Variants in RFX1 observed in about 807,000 individuals in gnomAD.
RFX1 encodes the protein MHC class II regulatory factor RFX1.
Under a neutral mutation model 119.6 loss-of-function variants are expected in RFX1, and 42 were observed. That is an observed-to-expected ratio of 0.35 (90% CI 0.27 to 0.45). The LOEUF (loss-of-function observed/expected upper bound fraction) is 0.45. Among genes scored for constraint, RFX1 ranks in the 20% least tolerant of loss-of-function variants. RFX1 has a pLI of 1.00. For synonymous variants in RFX1, 628 were observed against 618.5 expected (o/e 1.02, Z -0.23); for missense variants, 1,118 against 1,368.1 (o/e 0.82, Z 2.88).
intron 12 of RFX1, among the ~76,000 whole-genome samples, chr19:13,967,193 C>T (rs1413098214): frequency 1.3e-5 from 2 of 152,188 alleles, no homozygotes; most frequent in African/African-American, 4.8e-5. Flanking sequence ...CCCCACCCTC[C>T]AAATGGGATG....
At chr19:13,998,815 A>G (rs908390085) in intron 1 of RFX1, among the ~76,000 whole-genome samples, 1 of 152,134 alleles carries the variant, frequency 6.6e-6, no homozygotes, top group African/African-American at 2.4e-5. Context: ...TCTCAGCCCT[A>G]AGAGACCTGG....
chr19:13,997,813 G>T (rs1026992781), intron 1 of RFX1, among the ~76,000 whole-genome samples: 3 of 152,178 alleles, frequency 2.0e-5, no homozygotes, highest in African/African-American at 7.2e-5. Flanking sequence ...CACCTAGCAG[G>T]TGGCCAGCCT....
At chr19:13,988,990 C>T (rs1599506403) in intron 2 of RFX1, among the ~76,000 whole-genome samples, 1 of 152,262 alleles carries the variant, frequency 6.6e-6, no homozygotes, top group African/African-American at 2.4e-5. Flanking sequence ...CCACTGCATC[C>T]GGCCTGGGTG....
intron 1 of RFX1, among the ~76,000 whole-genome samples, chr19:13,995,066 C>T (rs752583033): frequency 5.3e-5 from 8 of 151,018 alleles, no homozygotes; most frequent in East Asian, 2.0e-4. Flanking sequence ...CCACCACGCC[C>T]GGCCTATTTC....
intron 1 of RFX1, among the ~76,000 whole-genome samples, chr19:14,005,890 C>G (rs957356968): frequency 6.6e-6 from 1 of 151,864 alleles, no homozygotes; most frequent in Non-Finnish European, 1.5e-5. Context: ...GGCCTGCGAG[C>G]GCCCGCCCCT....
rs982159864 is a variant in RFX1, at chr19:13,966,407, C to G, written c.1961+14G>C. The stretch of plus-strand genomic sequence containing the variant: ...TCCCCCCTCTCCCTCCCACAGTCGC[C>G]GGGCAGTACTCACACAGCCAGCGGT... On this transcript the variant is annotated intron_variant, in intron 14 of 20. Coordinates refer to ENST00000254325, the MANE Select transcript of RFX1 (RefSeq NM_002918.5). The surrounding 1 kb of genome is among the most constrained non-coding windows in gnomAD (Gnocchi z 6.3). 1 of 1,565,786 alleles carries G rather than the reference C, an allele frequency of 6.4e-7. No individual in the cohort carries two copies. Among genetic ancestry groups the G allele is most frequent in the Non-Finnish European group, 8.8e-7 (1 of 1,137,372 alleles).
At position 13,966,515 on chromosome 19, in the gene RFX1, T is replaced by C. The variant is rs143203128; in HGVS notation, c.1867A>G (p.Met623Val). ...ACCAGGGTGAACTGCAGGTTCACCATGACGTCGACAATGGCCTGTGGCAGA... is the reference window on the plus strand; with the variant it reads ...ACCAGGGTGAACTGCAGGTTCACCACGACGTCGACAATGGCCTGTGGCAGA... Reference protein sequence around the residue: ...REHCEAIVDVMVNLQFTLVET... With the variant: ...REHCEAIVDVVVNLQFTLVET... Residue 623 changes from methionine (M) to valine (V), a missense_variant, in exon 14 of 21, where the codon ATG becomes GTG. Met to Val is a conservative substitution (Grantham distance 21). Around this residue, in one of 5 missense-constraint regions of RFX1, gnomAD observed 338 missense variants for 508.9 expected, o/e 0.66. Coordinates refer to ENST00000254325, the MANE Select transcript of RFX1 (RefSeq NM_002918.5). The surrounding 1 kb of genome is among the most constrained non-coding windows in gnomAD (Gnocchi z 6.3). 1,012 of 1,576,204 alleles carry C rather than the reference T, an allele frequency of 6.4e-4. 8 individuals are homozygous for C. The highest frequency in any genetic ancestry group is 1.2e-3 in the Middle Eastern group (7 of 5,904).
intron 8 of RFX1, among the ~76,000 whole-genome samples, chr19:13,973,716 C>T (rs1412239696): frequency 2.6e-5 from 4 of 152,156 alleles, no homozygotes; most frequent in African/African-American, 7.2e-5. Flanking sequence ...CTGCAACCTC[C>T]GCCTCCTGGG....
chr19:13,983,596 C>A lies in RFX1; in HGVS notation c.320-1G>T. On this transcript the variant is annotated splice_acceptor_variant, in intron 2 of 20. Transcript: ENST00000254325. LOFTEE classifies it high-confidence loss of function. ...GTCTCGCTGGCCCGCATGGCACCTT[C>A]TGTGGGGAGGGGCCACCAGGTCAGT... 6.3e-7 allele frequency: 1 copy of A among 1,597,012 alleles called. No individual in the cohort carries two copies. Among genetic ancestry groups the A allele is most frequent in the Non-Finnish European group, 8.5e-7 (1 of 1,174,120 alleles).
chr19:13,994,719 ATGTGTGTGTGTGTGTGTGTGTG>A (rs35165719), intron 1 of RFX1, among the ~76,000 whole-genome samples: 2 of 125,956 alleles, frequency 1.6e-5, no homozygotes, highest in Non-Finnish European at 3.3e-5. Context: ...CTAAATATAT[ATGTGTGTGTGTGTGTGTGTGTG>A]TGTGTGTGTG....
Position 13,962,721 on chromosome 19 carries a change from A to C in RFX1, c.2914T>G (p.Phe972Val). Residue 972 changes from phenylalanine to valine, a missense_variant, in exon 21 of 21, where the codon TTC (phenylalanine) becomes GTC (valine). Around this residue, in one of 5 missense-constraint regions of RFX1, gnomAD observed 138 missense variants for 117.8 expected, o/e 1.17. Coordinates refer to ENST00000254325, the MANE Select transcript of RFX1 (RefSeq NM_002918.5). ...TAGCTGGAGGGCAGCGCCTGCACGA[A>C]GAGGCCGCGCGCGTCAGTCCGCGCC... is the stretch of plus-strand genomic sequence containing the variant. The part of the protein sequence containing the change: ...KLARTDARGL[F>V]VQALPSS The C allele has an allele frequency of 6.5e-7, 1 of 1,529,764 alleles. No homozygotes were observed. Among genetic ancestry groups the C allele is most frequent in the Non-Finnish European group, 8.7e-7 (1 of 1,144,028 alleles). 94.8% of individuals were successfully genotyped at this position (1,529,764 alleles called of 1,614,324 possible).
intron 1 of RFX1, among the ~76,000 whole-genome samples, chr19:14,003,024 C>T (rs1975265661): frequency 2.6e-5 from 4 of 152,186 alleles, no homozygotes; most frequent in Admixed American, 2.6e-4. Flanking sequence ...GCTCTGTCAC[C>T]CAGGCTCAAG....
intron 1 of RFX1, among the ~76,000 whole-genome samples, chr19:14,005,504 G>C (rs1425344030): frequency 1.3e-5 from 2 of 152,238 alleles, no homozygotes; most frequent in African/African-American, 4.8e-5. Flanking sequence ...GGAATGAGGA[G>C]TCCCGGTACT....
In RFX1 at chr19:13,963,285, G is replaced by T. The variant is rs751062175; in HGVS notation, c.2571-10C>A. ...CCGGATCACCATGGAGCTGGGGATG[G>T]AGACGGAGAGGAGACCGTCAGGCCC... On this transcript the variant is annotated splice_polypyrimidine_tract_variant and intron_variant, in intron 18 of 20. Coordinates refer to ENST00000254325, the MANE Select transcript of RFX1 (RefSeq NM_002918.5). 2 of 1,605,342 alleles carry T rather than the reference G, an allele frequency of 1.2e-6. No homozygotes were observed. Among genetic ancestry groups the T allele is most frequent in the South Asian group, 2.2e-5 (2 of 90,730 alleles).
rs150453932 is a variant in RFX1, at chr19:13,969,889, G to A, written c.1496+105C>T. 8.3e-4 allele frequency: 987 copies of A among 1,194,894 alleles called. 9 individuals carry two copies. The African/African-American group carries it at 0.013, about 16-fold the overall frequency. The allele number at this position is 1,194,894 out of a possible 1,614,324, so 74.0% of individuals were successfully genotyped here. A position where few individuals can be genotyped will look rare whatever the true frequency, so the allele number is the denominator to read the frequency against. ...GTCGAGGAGCCTCGCAGAGGCCGGC[G>A]GGACTGGGCTGGACTGGACTGCCTG... On this transcript the variant is annotated intron_variant, in intron 10 of 20. Transcript: ENST00000254325. The surrounding 1 kb of genome is among the most constrained non-coding windows in gnomAD (Gnocchi z 4.5).
intron 1 of RFX1, among the ~76,000 whole-genome samples, chr19:13,999,810 G>A (rs1219743779): frequency 2.0e-5 from 3 of 151,978 alleles, no homozygotes; most frequent in Non-Finnish European, 4.4e-5. Flanking sequence ...TGAGGAGCTG[G>A]GATTACAGGT....
At chr19:13,988,461 AC>A (rs1568476211) in intron 2 of RFX1, among the ~76,000 whole-genome samples, 1 of 152,216 alleles carries the variant, frequency 6.6e-6, no homozygotes, top group East Asian at 1.9e-4. Context: ...AGCAGGTAAG[AC>A]CCACACCCAG....
rs902786709 is a variant in RFX1 at position 13,990,080 on chromosome 19, C to A, written c.319+3445G>T. ...AGGAGGGGCTGGATGTGGGGTCCTG[C>A]GGTTCAGGGTTGCAGCCCAGGCTGG... On this transcript the variant is annotated intron_variant, in intron 2 of 20. Transcript: ENST00000254325. The surrounding 1 kb of genome is among the most constrained non-coding windows in gnomAD (Gnocchi z 4.1). 6.6e-6 allele frequency among the ~76,000 whole-genome samples: 1 copy of A among 151,988 alleles called. No individual in the cohort carries two copies. Among genetic ancestry groups the A allele is most frequent in the African/African-American group, 2.4e-5 (1 of 41,380 alleles).
At chr19:13,983,451 G>A (rs774165420) in intron 3 of RFX1, 35 bp downstream of exon 3, 19 of 1,523,518 alleles carry the variant, frequency 1.2e-5, no homozygotes, top group Non-Finnish European at 1.6e-5. Context: ...CCCCTCCCGG[G>A]CCCTCCCCCA....
Sources: gnomAD v4.1 joint callset for allele counts (sites outside exome capture counted in the v4.1 genomes callset) on GRCh38, gnomAD v4.1.1 for gene constraint, gnomAD v4.1.1 regional missense constraint, Gnocchi (gnomAD v3.1) non-coding constraint, MANE v1.5 for transcripts, NCBI Gene and HGNC (gene_info 2026-07-23, HGNC 2026-07-21) for gene names.